LPAR5: variants seen among roughly 807,000 people sequenced by gnomAD.
The protein encoded by LPAR5 is G protein-coupled receptor 92.
For missense variants in LPAR5, 544 were observed against 521.8 expected, an observed-to-expected ratio of 1.04 and a Z score of -0.41; for synonymous variants, 271 against 261.6, an observed-to-expected ratio of 1.04 and a Z score of -0.35.
intron 1 of LPAR5, among the ~76,000 whole-genome samples, chr12:6,622,804 GC>G (rs1409249982): frequency 6.6e-6 from 1 of 152,076 alleles, no homozygotes; most frequent in Non-Finnish European, 1.5e-5. Flanking sequence ...TGTGGCACAT[GC>G]CCGTAGTCCC....
chr12:6,632,855 T>C (rs1948988882), intron 1 of LPAR5, among the ~76,000 whole-genome samples: 1 of 152,270 alleles, frequency 6.6e-6, no homozygotes, highest in Admixed American at 6.5e-5. Flanking sequence ...AGGGGCCACA[T>C]TCTTCCTCAG....
intron 1 of LPAR5, among the ~76,000 whole-genome samples, chr12:6,624,651 G>T (rs1438240226): frequency 6.6e-6 from 1 of 151,532 alleles, no homozygotes; most frequent in Non-Finnish European, 1.5e-5. Flanking sequence ...ACCTAGTTTC[G>T]CTCTTGTTGC....
rs867479517 is a variant in LPAR5 at position 6,620,428 on chromosome 12, C to G, written c.821G>C (p.Arg274Pro). 3.7e-6 allele frequency: 6 copies of G among 1,605,356 alleles called. No homozygotes were observed. The highest frequency in any genetic ancestry group is 2.7e-5 in the African/African-American group (2 of 74,880). ...CATCACCATCAGCACCCCGCGCACG[C>G]GATCGCGGGCAGGCACGCTGGCCGC... ...LVAASVPARD[R>P]VRGVLMVMVL... Residue 274 changes from arginine to proline, a missense_variant, in exon 2 of 2, where the codon CGC becomes CCC. Arg to Pro is a moderately radical substitution (Grantham distance 103). Coordinates refer to ENST00000329858, the MANE Select transcript of LPAR5 (RefSeq NM_020400.6). This position sits in a 1 kb window ranked among gnomAD's most constrained non-coding sequence, Gnocchi z 6.8.
chr12:6,620,497 T>A lies in LPAR5; in HGVS notation c.752A>T (p.Asn251Ile). The A allele has an allele frequency of 6.3e-7, 1 of 1,587,700 alleles. No individual in the cohort carries two copies. Among genetic ancestry groups the A allele is most frequent in the Non-Finnish European group, 8.6e-7 (1 of 1,167,250 alleles). Residue 251 changes from asparagine to isoleucine, a missense_variant, in exon 2 of 2, where the codon AAC becomes ATC. By Grantham distance (149) the Asn-to-Ile change is moderately radical (BLOSUM62 -3). Transcript: ENST00000329858. This position sits in a 1 kb window ranked among gnomAD's most constrained non-coding sequence, Gnocchi z 6.8. Reference protein sequence around the residue: ...VIFLLCFVPYNSTLAVYGLLR... With the variant: ...VIFLLCFVPYISTLAVYGLLR... ...CAGCCCGTAGACCGCCAGCGTGCTG[T>A]TGTAGGGCACGAAGCACAGCAGGAA...
rs535897647 is a variant in LPAR5 at position 6,631,834 on chromosome 12, G to A, written c.-217+4073C>T. ...CTGAAGAGAAAGGACCAGGGGGCTG[G>A]GAACAATGAGAAGGGCAGGGGCAGG... On this transcript the variant is annotated intron_variant, in intron 1 of 1. Coordinates refer to ENST00000329858, the MANE Select transcript of LPAR5 (RefSeq NM_020400.6). Among the ~76,000 whole-genome samples, 7 of 152,320 alleles carry A rather than the reference G, an allele frequency of 4.6e-5. 1 individual carries two copies. The highest frequency in any genetic ancestry group is 1.7e-4 in the African/African-American group (7 of 41,564).
intron 1 of LPAR5, among the ~76,000 whole-genome samples, chr12:6,625,648 G>A (rs972102372): frequency 6.6e-6 from 1 of 151,614 alleles, no homozygotes; most frequent in Non-Finnish European, 1.5e-5. Context: ...GCGGGAACCC[G>A]GGAGGCAGAA....
intron 1 of LPAR5, among the ~76,000 whole-genome samples, chr12:6,622,474 C>T (rs1476221621): frequency 1.3e-5 from 2 of 151,082 alleles, no homozygotes; most frequent in African/African-American, 4.9e-5. Flanking sequence ...TAAGGCTGGG[C>T]GTGGTGGCTC....
chr12:6,621,353 A>G lies in LPAR5; in HGVS notation c.-105T>C. ...GCTGGGGCCTAGAGGCTGTACAGAC[A>G]TGGTCCCAAAACAAGCAGAGGGAGG... is the stretch of plus-strand genomic sequence containing the variant. On this transcript the variant is annotated 5_prime_UTR_variant, in exon 2 of 2. An upstream start codon of the reference 5' UTR is lost. Coordinates refer to ENST00000329858, the MANE Select transcript of LPAR5 (RefSeq NM_020400.6). The G allele has an allele frequency of 8.6e-7, 1 of 1,156,428 alleles. No individual in the cohort carries two copies. Among genetic ancestry groups the G allele is most frequent in the Non-Finnish European group, 1.1e-6 (1 of 875,390 alleles). The allele number at this position is 1,156,428 out of a possible 1,614,324, so 71.6% of individuals were successfully genotyped here.
At chr12:6,631,675 T>C (rs1455332345) in intron 1 of LPAR5, 4 of 152,308 alleles carry the variant, frequency 2.6e-5, no homozygotes, top group Admixed American at 6.5e-5. Context: ...GGCAGGGCTA[T>C]TTTATGCCAG....
chr12:6,625,858 G>A (rs1179260724), intron 1 of LPAR5, among the ~76,000 whole-genome samples: 1 of 152,156 alleles, frequency 6.6e-6, no homozygotes, highest in African/African-American at 2.4e-5. Flanking sequence ...CTGGAAAGCA[G>A]TGGCTCGATC....
chr12:6,620,098 G>A lies in LPAR5; in HGVS notation c.*32C>T. On this transcript the variant is annotated 3_prime_UTR_variant, in exon 2 of 2. Coordinates refer to ENST00000329858, the MANE Select transcript of LPAR5 (RefSeq NM_020400.6). This position sits in a 1 kb window ranked among gnomAD's most constrained non-coding sequence, Gnocchi z 6.8. ...CCTCCCAGAACGAGAGGCGTTGGGAGTCGGGCACGGACAGCGCAATGGCAT... is the reference window on the plus strand; with the variant it reads ...CCTCCCAGAACGAGAGGCGTTGGGAATCGGGCACGGACAGCGCAATGGCAT... 1 of 1,612,968 alleles carries A rather than the reference G, an allele frequency of 6.2e-7. No homozygotes were observed.
chr12:6,620,633 C>G lies in LPAR5; in HGVS notation c.616G>C (p.Ala206Pro), dbSNP rs978651871. Residue 206 changes from alanine to proline, a missense_variant, in exon 2 of 2, where the codon GCG becomes CCG. Transcript: ENST00000329858. This position sits in a 1 kb window ranked among gnomAD's most constrained non-coding sequence, Gnocchi z 6.8. Reference sequence around the variant, plus strand: ...ACTCGGCCCGACGAGTAGACCACCGCCGCCAGGGGCAGCAGGAAGCCCAGC... The same window carrying G: ...ACTCGGCCCGACGAGTAGACCACCGGCGCCAGGGGCAGCAGGAAGCCCAGC... ...EALGFLLPLA[A>P]VVYSSGRVFW... 27 of 1,553,128 alleles carry G rather than the reference C, an allele frequency of 1.7e-5. No homozygotes were observed. The highest frequency in any genetic ancestry group is 2.3e-5 in the Non-Finnish European group (26 of 1,149,136).
chr12:6,629,544 C>T (rs1410595515), intron 1 of LPAR5, among the ~76,000 whole-genome samples: 2 of 150,060 alleles, frequency 1.3e-5, no homozygotes, highest in Non-Finnish European at 3.0e-5. Flanking sequence ...CTTGGTGGCA[C>T]CTGCCTGTAA....
Position 6,620,740 on chromosome 12 carries a change from A to C in LPAR5, c.509T>G (p.Leu170Arg). 1 of 1,591,032 alleles carries C rather than the reference A, an allele frequency of 6.3e-7. No homozygotes were observed. Among genetic ancestry groups the C allele is most frequent in the Non-Finnish European group, 8.6e-7 (1 of 1,169,108 alleles). The change falls in exon 2 of 2, where the codon CTC (leucine) becomes CGC (arginine). Residue 170 changes from leucine (L) to arginine (R), a missense_variant. By Grantham distance (102) the Leu-to-Arg change is moderately radical. Coordinates refer to ENST00000329858, the MANE Select transcript of LPAR5 (RefSeq NM_020400.6). The surrounding 1 kb of genome is among the most constrained non-coding windows in gnomAD (Gnocchi z 6.8). ...GCTCTCGAAGCATAGGCGCACCTCG[A>C]GGTCCCGGTAGCGGCAACGCGAGGG... ...HRPSRCRYRD[L>R]EVRLCFESFS... is the part of the protein sequence containing the mutation.
intron 1 of LPAR5, among the ~76,000 whole-genome samples, chr12:6,633,401 T>C (rs1436764301): frequency 3.3e-5 from 5 of 150,876 alleles, no homozygotes; most frequent in Non-Finnish European, 5.9e-5. Context: ...CGGTTCCTTC[T>C]CCTGGGTTTT....
intron 1 of LPAR5, among the ~76,000 whole-genome samples, chr12:6,627,497 A>G (rs543600795): frequency 6.6e-6 from 1 of 151,308 alleles, no homozygotes; most frequent in Admixed American, 6.6e-5. Context: ...AGGCTGAGGC[A>G]GGAGAATTGC....
intron 1 of LPAR5, among the ~76,000 whole-genome samples, chr12:6,632,404 T>C (rs970401897): frequency 6.6e-6 from 1 of 152,138 alleles, no homozygotes; most frequent in South Asian, 2.1e-4. Flanking sequence ...AGCCCCACCC[T>C]CATTTTAGAG....
Position 6,620,517 on chromosome 12 carries a change from C to A in LPAR5, c.732G>T (p.Leu244=). The change falls in exon 2 of 2, where the codon CTG becomes CTT. Residue 244 remains leucine, a synonymous_variant. Transcript: ENST00000329858. The surrounding 1 kb of genome is among the most constrained non-coding windows in gnomAD (Gnocchi z 6.8). The stretch of plus-strand genomic sequence containing the variant: ...TGCTGTTGTAGGGCACGAAGCACAG[C>A]AGGAAGATGACGAGGTTAGCCAGCA... ...RLLLANLVIF[L]LCFVPYNSTL... The A allele has an allele frequency of 6.3e-7, 1 of 1,582,792 alleles. No individual in the cohort carries two copies. The highest frequency in any genetic ancestry group is 2.3e-5 in the East Asian group (1 of 43,310).
chr12:6,634,143 CTATA>C (rs1948997291), intron 1 of LPAR5, among the ~76,000 whole-genome samples: 1 of 152,132 alleles, frequency 6.6e-6, no homozygotes, highest in Non-Finnish European at 1.5e-5. Flanking sequence ...GCAGCTGGGA[CTATA>C]GGTGCGTGCC....
Sources: gnomAD v4.1 joint callset for allele counts (sites outside exome capture counted in the v4.1 genomes callset) on GRCh38, gnomAD v4.1.1 for gene constraint, Gnocchi (gnomAD v3.1) non-coding constraint, MANE v1.5 for transcripts, NCBI Gene and HGNC (gene_info 2026-07-23, HGNC 2026-07-21) for gene names.